Variants in BBX observed in about 807,000 individuals in gnomAD.
BBX encodes BBX high mobility group box domain containing.
In BBX, 30 loss-of-function variants were observed where a neutral mutation model predicts 100.2. The observed-to-expected ratio is 0.30, with a 90% CI of 0.22 to 0.41. The LOEUF (loss-of-function observed/expected upper bound fraction) is 0.41. Among genes scored for constraint, BBX ranks in the 10% least tolerant of loss-of-function variants. The pLI, the probability that BBX is intolerant of heterozygous loss-of-function variation, is 1.00. For missense variants in BBX, 1,023 were observed against 1,129.8 expected (o/e 0.91, Z 1.35); for synonymous variants, 376 against 388.1 (o/e 0.97, Z 0.37).
At chr3:107,691,891 TTAAAA>T (rs2060193642) in intron 3 of BBX, among the ~76,000 whole-genome samples, 1 of 152,186 alleles carries the variant, frequency 6.6e-6, no homozygotes, top group African/African-American at 2.4e-5. Flanking sequence ...ACTATACTAC[TTAAAA>T]TAAGAAATAC....
chr3:107,542,067 C>A (rs1342644112), intron 2 of BBX, among the ~76,000 whole-genome samples: 1 of 152,046 alleles, frequency 6.6e-6, no homozygotes, highest in South Asian at 2.1e-4. Context: ...AGAACCTCTG[C>A]CAACTATGAA....
intron 2 of BBX, among the ~76,000 whole-genome samples, chr3:107,548,389 A>T (rs1304181481): frequency 6.6e-6 from 1 of 152,188 alleles, no homozygotes; most frequent in Non-Finnish European, 1.5e-5. Flanking sequence ...ATTTATAAGC[A>T]TACTATGTGG....
intron 3 of BBX, among the ~76,000 whole-genome samples, chr3:107,672,643 A>C (rs184914856): frequency 6.6e-6 from 1 of 152,046 alleles, no homozygotes; most frequent in South Asian, 2.1e-4. Context: ...ATTAAGTAGA[A>C]GAGTCCATTG....
chr3:107,556,493 A>C (rs138788898), intron 2 of BBX, among the ~76,000 whole-genome samples: 4 of 152,172 alleles, frequency 2.6e-5, no homozygotes, highest in Non-Finnish European at 4.4e-5. Context: ...ATACAGCTTT[A>C]TAAGTACCTG....
intron 2 of BBX, among the ~76,000 whole-genome samples, chr3:107,569,352 GTC>G (rs1328912448): frequency 2.0e-5 from 3 of 151,664 alleles, no homozygotes; most frequent in Non-Finnish European, 4.4e-5. Flanking sequence ...ATTCTTGACT[GTC>G]TTTCTTATTT....
chr3:107,544,946 G>A (rs1305585175), intron 2 of BBX, among the ~76,000 whole-genome samples: 9 of 151,940 alleles, frequency 5.9e-5, no homozygotes, highest in African/African-American at 1.7e-4. Context: ...GAACCCGGGA[G>A]GTGGAGCTTG....
Position 107,545,015 on chromosome 3 carries a change from C to CA in BBX, c.-84+18630dup, listed in dbSNP as rs1394514115. Among the ~76,000 whole-genome samples, 142 of 136,602 alleles carry CA rather than the reference C, an allele frequency of 1.0e-3. 2 individuals carry two copies. Among genetic ancestry groups the CA allele is most frequent in the Middle Eastern group, 3.8e-3 (1 of 264 alleles). The allele number at this position is 136,602 out of a possible 152,430, so 89.6% of individuals were successfully genotyped here. ...TGGGCAACAGAGCGAGACTCCGTCT[C>CA]AAAAAAAAAAAAATTTTTTAAAAAG... On this transcript the variant is annotated intron_variant, in intron 2 of 17. Transcript: ENST00000325805.
intron 3 of BBX, among the ~76,000 whole-genome samples, chr3:107,690,531 A>T (rs2060093486): frequency 6.6e-6 from 1 of 152,154 alleles, no homozygotes; most frequent in Non-Finnish European, 1.5e-5. Flanking sequence ...CAATATGTGG[A>T]TGGTTACCTA....
chr3:107,684,239 G>A (rs2059719819), intron 3 of BBX, among the ~76,000 whole-genome samples: 1 of 152,018 alleles, frequency 6.6e-6, no homozygotes, highest in South Asian at 2.1e-4. Flanking sequence ...ATATTTTATT[G>A]TTTTAAAATA....
chr3:107,774,298 A>G (rs1228958243), intron 11 of BBX, among the ~76,000 whole-genome samples: 1 of 152,166 alleles, frequency 6.6e-6, no homozygotes, highest in Non-Finnish European at 1.5e-5. Context: ...CCAACAAGAC[A>G]TGTGTGAGTC....
chr3:107,692,553 T>G (rs1202998046), intron 3 of BBX, among the ~76,000 whole-genome samples: 4 of 152,240 alleles, frequency 2.6e-5, no homozygotes, highest in African/African-American at 7.2e-5. Context: ...CATAGTAGTA[T>G]TCTATGGTGT....
chr3:107,643,969 G>A (rs2057371593), intron 2 of BBX, among the ~76,000 whole-genome samples: 2 of 151,976 alleles, frequency 1.3e-5, no homozygotes, highest in South Asian at 2.1e-4. Flanking sequence ...TGATTCCTTC[G>A]TTATTTTAAG....
intron 10 of BBX, among the ~76,000 whole-genome samples, chr3:107,769,010 C>CGGGGGGGGGGGGGGGG (rs35063548): frequency 8.0e-6 from 1 of 125,026 alleles, no homozygotes; most frequent in Non-Finnish European, 1.6e-5. Context: ...TGGGGGGCGG[C>CGGGGGGGGGGGGGGGG]GGGGGGGGGG....
At chr3:107,702,826 T>G (rs779663445) in intron 3 of BBX, among the ~76,000 whole-genome samples, 1 of 152,056 alleles carries the variant, frequency 6.6e-6, no homozygotes, top group Non-Finnish European at 1.5e-5. Context: ...AGAGAGGCCT[T>G]TCATAGAGAG....
Position 107,658,883 on chromosome 3 carries a change from G to C in BBX, c.-10+12974G>C, listed in dbSNP as rs896414064. Among the ~76,000 whole-genome samples the C allele has an allele frequency of 4.6e-5, 7 of 152,058 alleles. No homozygotes were observed. The East Asian group carries it at 1.3e-3, about 29-fold the overall frequency. The stretch of plus-strand genomic sequence containing the variant: ...AAAACAGACCTGAGATTCAAATCCA[G>C]CTCATTCTTGCTTTCAAAGACTATA... On this transcript the variant is annotated intron_variant, in intron 3 of 17. Transcript: ENST00000325805.
chr3:107,753,342 A>G (rs2065219560), intron 9 of BBX, among the ~76,000 whole-genome samples: 1 of 152,202 alleles, frequency 6.6e-6, no homozygotes, highest in Admixed American at 6.5e-5. Context: ...ATGCCATAAA[A>G]ATGTTACTGT....
chr3:107,573,067 C>T (rs2051491395), intron 2 of BBX, among the ~76,000 whole-genome samples: 1 of 152,068 alleles, frequency 6.6e-6, no homozygotes, highest in Non-Finnish European at 1.5e-5. Context: ...AATAATTAAC[C>T]TACATCAATG....
chr3:107,600,148 A>G (rs1053507197), intron 2 of BBX, among the ~76,000 whole-genome samples: 3 of 152,266 alleles, frequency 2.0e-5, no homozygotes, highest in Non-Finnish European at 4.4e-5. Flanking sequence ...TTAAGGCCAG[A>G]AGCCTTTTGA....
intron 2 of BBX, among the ~76,000 whole-genome samples, chr3:107,567,460 C>T (rs1302599765): frequency 6.6e-6 from 1 of 152,044 alleles, no homozygotes; most frequent in Non-Finnish European, 1.5e-5. Flanking sequence ...TTGTTATCCA[C>T]TTGTGGAAGG....
Sources: gnomAD v4.1 joint callset for allele counts (sites outside exome capture counted in the v4.1 genomes callset) on GRCh38, gnomAD v4.1.1 for gene constraint, MANE v1.5 for transcripts, NCBI Gene and HGNC (gene_info 2026-07-23, HGNC 2026-07-21) for gene names.